Variants in ZFAND3 observed in about 807,000 individuals in gnomAD.
ZFAND3 encodes zinc finger AN1-type containing 3.
In ZFAND3, 10 loss-of-function variants were observed where a neutral mutation model predicts 29.6. The observed-to-expected ratio is 0.34, with a 90% CI of 0.21 to 0.57. The LOEUF is 0.57. Ranked by LOEUF, ZFAND3 falls within the 20% of genes least tolerant of loss-of-function variation. The probability of loss-of-function intolerance (pLI) is 0.86; values close to 1 mark genes in which losing one functional copy is unlikely to be tolerated. For synonymous variants in ZFAND3, 128 were observed against 112.6 expected (o/e 1.14, Z -0.87); for missense variants, 230 against 304.5 (o/e 0.76, Z 1.82).
intron 2 of ZFAND3, among the ~76,000 whole-genome samples, chr6:38,046,479 A>G (rs926293380): frequency 6.6e-6 from 1 of 152,250 alleles, no homozygotes; most frequent in African/African-American, 2.4e-5. Flanking sequence ...TGTGTTAGTT[A>G]TACCCAATTT....
chr6:38,074,946 T>G (rs1764523937), intron 3 of ZFAND3, among the ~76,000 whole-genome samples: 2 of 152,348 alleles, frequency 1.3e-5, no homozygotes, highest in Middle Eastern at 6.8e-3. Flanking sequence ...CACATCTGTT[T>G]ATAGCATCAT....
chr6:38,017,121 T>C (rs894357604), intron 2 of ZFAND3, among the ~76,000 whole-genome samples: 1 of 152,112 alleles, frequency 6.6e-6, no homozygotes, highest in Non-Finnish European at 1.5e-5. Flanking sequence ...CACTTCAGAG[T>C]TGTGGGTGTT....
chr6:37,970,409 T>G (rs958779247), intron 2 of ZFAND3, among the ~76,000 whole-genome samples: 3 of 152,178 alleles, frequency 2.0e-5, no homozygotes, highest in African/African-American at 7.2e-5. Flanking sequence ...ATTCTAGCCT[T>G]TTTCTTCTGG....
intron 2 of ZFAND3, among the ~76,000 whole-genome samples, chr6:37,934,746 G>C (rs1761665243): frequency 6.7e-6 from 1 of 149,420 alleles, no homozygotes; most frequent in Non-Finnish European, 1.5e-5. Flanking sequence ...GGCTGAGGCA[G>C]GAGAATCACT....
chr6:37,994,775 A>G (rs1178397106), intron 2 of ZFAND3, among the ~76,000 whole-genome samples: 1 of 152,226 alleles, frequency 6.6e-6, no homozygotes, highest in African/African-American at 2.4e-5. Flanking sequence ...AAGATTTACC[A>G]AGGATATAAG....
intron 1 of ZFAND3, among the ~76,000 whole-genome samples, chr6:37,858,041 T>C (rs1172697207): frequency 1.3e-5 from 2 of 152,174 alleles, no homozygotes; most frequent in African/African-American, 4.8e-5. Flanking sequence ...GAGCTTAGAA[T>C]CACTTGGAAA....
chr6:38,016,499 A>G (rs563719078), intron 2 of ZFAND3, among the ~76,000 whole-genome samples: 188 of 152,328 alleles, frequency 1.2e-3, no homozygotes, highest in African/African-American at 4.2e-3. Context: ...TCCACCTACA[A>G]ACTTAATTAT....
intron 2 of ZFAND3, among the ~76,000 whole-genome samples, chr6:38,000,101 CT>C (rs564136333): frequency 1.4e-3 from 216 of 152,126 alleles, no homozygotes; most frequent in African/African-American, 4.6e-3. Context: ...ACTTATCCCC[CT>C]ATTGGAGTTT....
intron 1 of ZFAND3, among the ~76,000 whole-genome samples, chr6:37,926,703 A>G (rs1269203165): frequency 6.6e-6 from 1 of 152,316 alleles, no homozygotes; most frequent in South Asian, 2.1e-4. Flanking sequence ...GAAACGTGGT[A>G]CCCATTGGAG....
chr6:37,977,750 T>C (rs541455328), intron 2 of ZFAND3, among the ~76,000 whole-genome samples: 79 of 151,840 alleles, frequency 5.2e-4, no homozygotes, highest in Admixed American at 1.4e-3. Flanking sequence ...GGAAGCCCCC[T>C]TTTATTTCTG....
chr6:38,097,909 A>G (rs1765014492), intron 4 of ZFAND3, among the ~76,000 whole-genome samples: 1 of 152,174 alleles, frequency 6.6e-6, no homozygotes, highest in African/African-American at 2.4e-5. Context: ...GGAGATAGGG[A>G]AGGAGGGAGA....
chr6:37,970,631 G>A (rs542280932), intron 2 of ZFAND3, among the ~76,000 whole-genome samples: 124 of 152,286 alleles, frequency 8.1e-4, no homozygotes, highest in African/African-American at 2.8e-3. Flanking sequence ...CCAGGCGCGC[G>A]GTGGCTCAAC....
intron 2 of ZFAND3, among the ~76,000 whole-genome samples, chr6:38,045,100 T>TTATC (rs1554169448): frequency 4.0e-5 from 6 of 150,446 alleles, no homozygotes; most frequent in Non-Finnish European, 5.9e-5. Flanking sequence ...ATTTATTTAT[T>TTATC]TATTGAGATG....
chr6:37,998,536 G>A (rs1762891136), intron 2 of ZFAND3, among the ~76,000 whole-genome samples: 1 of 152,004 alleles, frequency 6.6e-6, no homozygotes, highest in Non-Finnish European at 1.5e-5. Context: ...GTAATGAGGG[G>A]GGCGGGAGGG....
chr6:38,014,479 A>G (rs539806256), intron 2 of ZFAND3, among the ~76,000 whole-genome samples: 188 of 152,202 alleles, frequency 1.2e-3, no homozygotes, highest in Middle Eastern at 3.4e-3. Context: ...GGCACCTGCC[A>G]CCATGCCCAG....
At chr6:37,862,847 A>G (rs1362415027) in intron 1 of ZFAND3, among the ~76,000 whole-genome samples, 1 of 151,208 alleles carries the variant, frequency 6.6e-6, no homozygotes. Context: ...TTTTGCTGGG[A>G]AAAAAAAATG....
intron 1 of ZFAND3, among the ~76,000 whole-genome samples, chr6:37,831,984 T>C (rs555757393): frequency 3.9e-5 from 6 of 152,264 alleles, no homozygotes; most frequent in Non-Finnish European, 8.8e-5. Context: ...GGAGGATGCA[T>C]TGGAGTGTAT....
rs922661157 is a variant in ZFAND3, at chr6:37,891,426, C to CCCCA, written c.72-38533_72-38532insCCCA. On this transcript the variant is annotated intron_variant, in intron 1 of 5. Transcript: ENST00000287218. ...AGTTGGAGATTTCAGTCCCCCCCCC[C>CCCCA]GCCTTTAAAATACAAAAATTAGCCG... Among the ~76,000 whole-genome samples the CCCCA allele has an allele frequency of 2.1e-5, 3 of 144,808 alleles. 1 individual carries two copies. Among genetic ancestry groups the CCCCA allele is most frequent in the Non-Finnish European group, 4.5e-5 (3 of 66,694 alleles). 95.0% of individuals were successfully genotyped at this position (144,808 alleles called of 152,430 possible).
intron 2 of ZFAND3, among the ~76,000 whole-genome samples, chr6:38,018,687 C>G (rs537195984): frequency 6.6e-6 from 1 of 152,160 alleles, no homozygotes. Context: ...AACCAGTTCT[C>G]TGTTTTGGAG....
Sources: allele counts gnomAD v4.1 joint callset (sites outside exome capture counted in the v4.1 genomes callset), GRCh38; gene constraint gnomAD v4.1.1; transcripts MANE v1.5; gene names NCBI Gene and HGNC (gene_info 2026-07-23, HGNC 2026-07-21).